EGF: variants seen among roughly 807,000 people sequenced by gnomAD.
The protein encoded by EGF is epidermal growth factor.
EGF carries 95 observed loss-of-function variants against 143.8 expected under a neutral mutation model. The ratio of observed to expected loss-of-function variants is 0.66; its 90% confidence interval spans 0.56 to 0.78. The LOEUF (loss-of-function observed/expected upper bound fraction) is 0.78, where lower values mean the gene tolerates loss of function less well. EGF is among the 30% of genes least tolerant of loss of function. The pLI, the probability that EGF is intolerant of heterozygous loss-of-function variation, is 0.00. For missense variants in EGF, 1,320 were observed against 1,470.9 expected, an observed-to-expected ratio of 0.90 and a Z score of 1.68; for synonymous variants, 510 against 510.5, an observed-to-expected ratio of 1.00 and a Z score of 0.01.
intron 5 of EGF, among the ~76,000 whole-genome samples, chr4:109,948,890 C>T (rs1743319840): frequency 6.6e-6 from 1 of 152,064 alleles, no homozygotes; most frequent in Admixed American, 6.5e-5. Flanking sequence ...TGGTACTTTG[C>T]TTTACAAAGC....
chr4:109,924,602 C>T (rs1460160766), intron 1 of EGF, among the ~76,000 whole-genome samples: 2 of 152,158 alleles, frequency 1.3e-5, no homozygotes, highest in African/African-American at 4.8e-5. Flanking sequence ...TACCTGATGA[C>T]TTACAGATCC....
rs149363258 is a variant in EGF, at chr4:109,978,910, G to T, written c.2054-1062G>T. On this transcript the variant is annotated intron_variant, in intron 13 of 23. Transcript: ENST00000265171. ...TTATTTGAGTTTGCCACCAGTAGGG[G>T]AAGACATTCATTCTAATCTGTCAAA... 2.0e-5 allele frequency among the ~76,000 whole-genome samples: 3 copies of T among 152,320 alleles called. No homozygotes were observed. In the East Asian group the frequency reaches 5.8e-4, roughly 29 times the overall value.
chr4:109,951,045 A>G (rs987391898), intron 5 of EGF, among the ~76,000 whole-genome samples: 18 of 151,926 alleles, frequency 1.2e-4, no homozygotes, highest in African/African-American at 4.4e-4. Flanking sequence ...GGTGGCTCAC[A>G]CCTGTAATCC....
At chr4:109,969,201 G>C (rs187623300) in intron 11 of EGF, 82 bp downstream of exon 11, 41 of 1,587,388 alleles carry the variant, frequency 2.6e-5, no homozygotes, top group East Asian at 2.0e-4. Flanking sequence ...CTTCCACTTT[G>C]AACACAGAAA....
intron 1 of EGF, among the ~76,000 whole-genome samples, chr4:109,918,274 AT>A (rs556656883): frequency 2.7e-5 from 4 of 147,914 alleles, no homozygotes; most frequent in African/African-American, 5.0e-5. Flanking sequence ...TTTTTTTTAA[AT>A]TTCAAGTAAA....
intron 13 of EGF, chr4:109,977,200 T>A (rs1162910747): frequency 1.3e-5 from 2 of 152,220 alleles, no homozygotes; most frequent in Admixed American, 6.5e-5. Flanking sequence ...GAAGATGCTT[T>A]GGAGAGTTAG....
intron 13 of EGF, chr4:109,977,239 G>C (rs1023936377): frequency 6.6e-6 from 1 of 152,068 alleles, no homozygotes; most frequent in East Asian, 1.9e-4. Context: ...AAAAAACATG[G>C]TTTCTCTCAT....
At chr4:109,988,431 A>T (rs1047880308) in intron 17 of EGF, among the ~76,000 whole-genome samples, 153 bp from the exon 18 acceptor site, 25 of 152,230 alleles carry the variant, frequency 1.6e-4, no homozygotes, top group African/African-American at 6.0e-4. Context: ...TGTGAACTTT[A>T]TGTCCAAGAT....
intron 11 of EGF, among the ~76,000 whole-genome samples, chr4:109,972,843 C>G (rs1036533867): frequency 6.6e-6 from 1 of 152,148 alleles, no homozygotes; most frequent in South Asian, 2.1e-4. Flanking sequence ...TACACAGCAC[C>G]TAGAAAATAG....
intron 21 of EGF, chr4:110,004,211 T>TACACACAC (rs201017416): frequency 2.3e-4 from 88 of 387,432 alleles, no homozygotes; most frequent in East Asian, 1.5e-3. Flanking sequence ...TACATGGGCA[T>TACACACAC]ACATACACAC....
At chr4:109,988,794 A>G in intron 18 of EGF, 85 bp downstream of exon 18, 1 of 1,593,920 alleles carries the variant, frequency 6.3e-7, no homozygotes, top group Non-Finnish European at 8.6e-7. Context: ...CAGAGGGAAG[A>G]CAGGATATAA....
chr4:109,955,253 G>T (rs2126041494), intron 5 of EGF, among the ~76,000 whole-genome samples: 1 of 152,244 alleles, frequency 6.6e-6, no homozygotes, highest in Admixed American at 6.5e-5. Flanking sequence ...GGCAGTTGGT[G>T]GTGGACATTA....
At chr4:109,987,180 G>A (rs1040236717) in intron 16 of EGF, among the ~76,000 whole-genome samples, 2 of 152,266 alleles carry the variant, frequency 1.3e-5, no homozygotes, top group East Asian at 1.9e-4. Context: ...ATTTGCAAAT[G>A]CTTTTAAAAA....
At chr4:109,990,494 A>G (rs529131214) in intron 18 of EGF, among the ~76,000 whole-genome samples, 1 of 152,340 alleles carries the variant, frequency 6.6e-6, no homozygotes, top group South Asian at 2.1e-4. Context: ...AACAGATCAC[A>G]TGACTGCCAT....
At chr4:109,971,935 A>G (rs1053941744) in intron 11 of EGF, among the ~76,000 whole-genome samples, 10 of 152,200 alleles carry the variant, frequency 6.6e-5, no homozygotes, top group African/African-American at 2.2e-4. Context: ...GTTATTTAGT[A>G]TCAAGGAATA....
At chr4:109,960,050 T>C (rs1251098311) in intron 6 of EGF, among the ~76,000 whole-genome samples, 1 of 152,214 alleles carries the variant, frequency 6.6e-6, no homozygotes, top group African/African-American at 2.4e-5. Flanking sequence ...CAGGTAAATC[T>C]AGCATCTGCC....
chr4:109,944,342 G>C, intron 4 of EGF, among the ~76,000 whole-genome samples: 1 of 152,152 alleles, frequency 6.6e-6, no homozygotes, highest in Non-Finnish European at 1.5e-5. Context: ...GGGAGGCTGA[G>C]GCAGGAGAAT....
chr4:109,962,092 T>G, intron 8 of EGF, 107 bp downstream of exon 8: 1 of 1,532,770 alleles, frequency 6.5e-7, no homozygotes, highest in Non-Finnish European at 9.0e-7. Flanking sequence ...TTTTCCAATA[T>G]TGTATACTGA....
At chr4:109,940,180 A>G (rs1741669322) in intron 1 of EGF, among the ~76,000 whole-genome samples, 1 of 152,220 alleles carries the variant, frequency 6.6e-6, no homozygotes, top group Non-Finnish European at 1.5e-5. Context: ...AGAGGACCCC[A>G]GGTACAGGAT....
Sources: gnomAD v4.1 joint callset for allele counts (sites outside exome capture counted in the v4.1 genomes callset) on GRCh38, gnomAD v4.1.1 for gene constraint, MANE v1.5 for transcripts, NCBI Gene and HGNC (gene_info 2026-07-23, HGNC 2026-07-21) for gene names.